Variants in CHODL observed in about 807,000 individuals in gnomAD.
CHODL encodes the protein transmembrane protein MT75.
In CHODL, 29 loss-of-function variants were observed where a neutral mutation model predicts 34.5. The observed-to-expected ratio is 0.84, with a 90% CI of 0.63 to 1.15. CHODL has a LOEUF of 1.15. Among genes scored for constraint, CHODL ranks in the 50% most tolerant of loss-of-function variants. The pLI is 0.00. For missense variants in CHODL, 332 were observed against 332.5 expected (o/e 1.00, Z 0.01); for synonymous variants, 125 against 116.1 (o/e 1.08, Z -0.49).
At chr21:18,058,386 G>T (rs1192851856) in intron 2 of CHODL, among the ~76,000 whole-genome samples, 1 of 152,152 alleles carries the variant, frequency 6.6e-6, no homozygotes, top group Non-Finnish European at 1.5e-5. Flanking sequence ...GTGTATCAAA[G>T]AGATAGCTGC....
At chr21:17,995,812 A>T (rs2063843568) in intron 1 of CHODL, among the ~76,000 whole-genome samples, 1 of 152,206 alleles carries the variant, frequency 6.6e-6, no homozygotes, top group African/African-American at 2.4e-5. Flanking sequence ...CTGCTGGAGT[A>T]TTGAGAGAAG....
intron 1 of CHODL, among the ~76,000 whole-genome samples, chr21:17,964,105 T>C (rs1002567578): frequency 2.0e-5 from 3 of 152,176 alleles, no homozygotes; most frequent in African/African-American, 7.2e-5. Flanking sequence ...CAAGTTAACA[T>C]AACATTCATG....
Position 18,123,939 on chromosome 21 carries a change from T to C in CHODL, c.-45+95968T>C, listed in dbSNP as rs375163092. ...GGCTCACGCCTGTAATCCCAGCATT[T>C]TGGGAGGCCGAGGCGGGCGGATCAT... On this transcript the variant is annotated intron_variant, in intron 2 of 6. Transcript: ENST00000400127. 2.8e-4 allele frequency among the ~76,000 whole-genome samples: 42 copies of C among 152,030 alleles called. 1 individual carries two copies. The highest frequency in any genetic ancestry group is 9.6e-4 in the East Asian group (5 of 5,182).
At chr21:18,058,847 T>C (rs2064618351) in intron 2 of CHODL, among the ~76,000 whole-genome samples, 1 of 152,186 alleles carries the variant, frequency 6.6e-6, no homozygotes, top group Non-Finnish European at 1.5e-5. Context: ...CCCATAATCA[T>C]TCATTAACTC....
chr21:18,186,525 A>G (rs1048295189), intron 2 of CHODL, among the ~76,000 whole-genome samples: 3 of 152,184 alleles, frequency 2.0e-5, no homozygotes, highest in African/African-American at 4.8e-5. Flanking sequence ...TTAGAGCACA[A>G]GTGTTTTTGG....
At chr21:18,079,729 A>G (rs2064914431) in intron 2 of CHODL, among the ~76,000 whole-genome samples, 2 of 122,230 alleles carry the variant, frequency 1.6e-5, no homozygotes, top group African/African-American at 5.2e-5. Context: ...AAGGGCAGGT[A>G]TCTTTCTGAT....
intron 1 of CHODL, among the ~76,000 whole-genome samples, chr21:17,920,893 G>A (rs962843064): frequency 3.3e-5 from 5 of 152,198 alleles, no homozygotes; most frequent in East Asian, 3.8e-4. Context: ...ATTTAATACA[G>A]GGAAGTTATA....
intron 4 of CHODL, among the ~76,000 whole-genome samples, chr21:18,260,736 C>G (rs1451765309): frequency 6.6e-6 from 1 of 152,092 alleles, no homozygotes; most frequent in Non-Finnish European, 1.5e-5. Context: ...TCACCTGAGT[C>G]TGGGAAGTCG....
chr21:18,241,273 A>T (rs1269186446), upstream of CHODL, among the ~76,000 whole-genome samples: 1 of 151,764 alleles, frequency 6.6e-6, no homozygotes, highest in African/African-American at 2.4e-5. Context: ...CTTTTTGCCT[A>T]TTGCTGAAGT....
At chr21:17,956,929 G>A (rs1302519253) in intron 1 of CHODL, among the ~76,000 whole-genome samples, 1 of 151,316 alleles carries the variant, frequency 6.6e-6, no homozygotes, top group African/African-American at 2.4e-5. Flanking sequence ...GTGTGTCTGT[G>A]AGTGTTTCTG....
At chr21:18,044,462 C>T (rs1412181257) in intron 2 of CHODL, among the ~76,000 whole-genome samples, 1 of 151,862 alleles carries the variant, frequency 6.6e-6, no homozygotes, top group Non-Finnish European at 1.5e-5. Context: ...TTTACTGGCA[C>T]ATTTTCCTGC....
chr21:18,101,551 A>G (rs909096886), intron 2 of CHODL, among the ~76,000 whole-genome samples: 1 of 152,198 alleles, frequency 6.6e-6, no homozygotes, highest in African/African-American at 2.4e-5. Context: ...GGTATAAGAT[A>G]AATTCTTGAA....
At chr21:18,001,522 C>T (rs1357249782) in intron 1 of CHODL, among the ~76,000 whole-genome samples, 3 of 152,302 alleles carry the variant, frequency 2.0e-5, no homozygotes, top group East Asian at 1.9e-4. Context: ...TATTCAGATC[C>T]ATCATGCTAA....
intron 1 of CHODL, among the ~76,000 whole-genome samples, chr21:17,936,789 G>A (rs1386336610): frequency 2.0e-5 from 3 of 152,138 alleles, no homozygotes; most frequent in African/African-American, 7.2e-5. Flanking sequence ...AATTTTAGAA[G>A]GAAGGGCCGG....
Position 18,106,501 on chromosome 21 carries a change from C to T in CHODL, c.-45+78530C>T, listed in dbSNP as rs556036736. Among the ~76,000 whole-genome samples, 132 of 133,236 alleles carry T rather than the reference C, an allele frequency of 9.9e-4. 1 individual carries two copies. Among genetic ancestry groups the T allele is most frequent in the African/African-American group, 4.1e-3 (126 of 31,088 alleles). The allele number at this position is 133,236 out of a possible 152,430, so 87.4% of individuals were successfully genotyped here. A position where few individuals can be genotyped will look rare whatever the true frequency, so the allele number is the denominator to read the frequency against. ...TTTTTTCTTTTTTCTTTTTCTTTTT[C>T]TTTTTTTTTTTTGAGATGGAGTCTT... On this transcript the variant is annotated intron_variant, in intron 2 of 6. Coordinates refer to the CHODL transcript ENST00000400127.
rs745755380 is a variant in CHODL at position 18,120,755 on chromosome 21, G to A, written c.-45+92784G>A. ...TGATACTTATTTGCAAAATACCTCTGTGAATATCCTGATAATGGACTTCTC... is the reference window on the plus strand; with the variant it reads ...TGATACTTATTTGCAAAATACCTCTATGAATATCCTGATAATGGACTTCTC... On this transcript the variant is annotated intron_variant, in intron 2 of 6. Coordinates refer to the CHODL transcript ENST00000400127. Among the ~76,000 whole-genome samples the A allele has an allele frequency of 9.5e-4, 116 of 122,252 alleles. No individual in the cohort carries two copies. The Middle Eastern group carries it at 0.017, about 18-fold the overall frequency. 80.2% of individuals were successfully genotyped at this position (122,252 alleles called of 152,430 possible). A position where few individuals can be genotyped will look rare whatever the true frequency, so the allele number is the denominator to read the frequency against.
intron 2 of CHODL, among the ~76,000 whole-genome samples, chr21:18,156,469 A>T (rs528006764): frequency 6.6e-5 from 10 of 152,324 alleles, no homozygotes; most frequent in African/African-American, 2.2e-4. Context: ...AATAAAATTT[A>T]AAAATTAACG....
chr21:18,054,504 C>A (rs1343848583), intron 2 of CHODL, among the ~76,000 whole-genome samples: 2 of 151,842 alleles, frequency 1.3e-5, no homozygotes, highest in Non-Finnish European at 2.9e-5. Flanking sequence ...ATAAGACAGG[C>A]ACAGAAGGAT....
At chr21:18,177,541 A>G (rs539463977) in intron 2 of CHODL, among the ~76,000 whole-genome samples, 1 of 152,180 alleles carries the variant, frequency 6.6e-6, no homozygotes, top group Non-Finnish European at 1.5e-5. Context: ...TGGGCAATTT[A>G]GTATCAATCT....
Sources: gnomAD v4.1 joint callset for allele counts (sites outside exome capture counted in the v4.1 genomes callset) on GRCh38, gnomAD v4.1.1 for gene constraint, MANE v1.5 for transcripts, NCBI Gene and HGNC (gene_info 2026-07-23, HGNC 2026-07-21) for gene names.